PLCB1: variants seen among roughly 807,000 people sequenced by gnomAD.
PLCB1 encodes the protein phospholipase C beta 1.
In PLCB1, 46 loss-of-function variants were observed where a neutral mutation model predicts 161.8. That is an observed-to-expected ratio of 0.28 (90% confidence interval 0.22 to 0.36). The LOEUF (loss-of-function observed/expected upper bound fraction) is 0.36. PLCB1 is among the 10% of genes least tolerant of loss of function. The pLI, the probability that PLCB1 is intolerant of heterozygous loss-of-function variation, is 1.00. For synonymous variants in PLCB1, 517 were observed against 503.7 expected (o/e 1.03, Z -0.35); for missense variants, 1,016 against 1,472.5 (o/e 0.69, Z 5.07).
chr20:8,314,524 G>A (rs182075485), intron 2 of PLCB1, among the ~76,000 whole-genome samples: 1 of 152,282 alleles, frequency 6.6e-6, no homozygotes, highest in Admixed American at 6.5e-5. Flanking sequence ...CTATCACTGT[G>A]ACTTTAGGCA....
chr20:8,524,361 C>CT (rs1440069463), intron 3 of PLCB1, among the ~76,000 whole-genome samples: 7 of 151,896 alleles, frequency 4.6e-5, no homozygotes, highest in Admixed American at 4.6e-4. Flanking sequence ...TGAGTTTTCT[C>CT]TTTCTTTTTA....
chr20:8,139,799 C>T (rs972001789), intron 1 of PLCB1, among the ~76,000 whole-genome samples: 16 of 152,166 alleles, frequency 1.1e-4, no homozygotes, highest in African/African-American at 2.4e-4. Context: ...CACATAGCAT[C>T]GATTCCTACA....
chr20:8,526,613 G>GTT (rs1284655208), intron 3 of PLCB1, among the ~76,000 whole-genome samples: 1 of 152,010 alleles, frequency 6.6e-6, no homozygotes, highest in Admixed American at 6.6e-5. Flanking sequence ...AATATTTAGC[G>GTT]TAAGAGTAGT....
At chr20:8,192,826 C>T (rs192372597) in intron 2 of PLCB1, among the ~76,000 whole-genome samples, 33 of 151,682 alleles carry the variant, frequency 2.2e-4, no homozygotes, top group African/African-American at 7.7e-4. Flanking sequence ...GAGGAGTGGC[C>T]AAATATGGAG....
chr20:8,834,323 C>T (rs1165015234), intron 31 of PLCB1, among the ~76,000 whole-genome samples: 7 of 152,108 alleles, frequency 4.6e-5, no homozygotes, highest in African/African-American at 1.7e-4. Context: ...TTATGGAAGA[C>T]TTCACCGAGA....
At chr20:8,461,077 T>A (rs934213775) in intron 3 of PLCB1, among the ~76,000 whole-genome samples, 1 of 152,208 alleles carries the variant, frequency 6.6e-6, no homozygotes, top group Non-Finnish European at 1.5e-5. Flanking sequence ...TTAATTAATC[T>A]AAATTTAAAT....
intron 31 of PLCB1, among the ~76,000 whole-genome samples, chr20:8,836,736 A>C (rs1421557521): frequency 2.0e-5 from 3 of 152,204 alleles, no homozygotes; most frequent in Non-Finnish European, 4.4e-5. Context: ...ATGCTTTTGA[A>C]CATGATTGGC....
chr20:8,398,696 G>A (rs542003380), intron 3 of PLCB1, among the ~76,000 whole-genome samples: 4 of 151,938 alleles, frequency 2.6e-5, no homozygotes, highest in South Asian at 2.1e-4. Context: ...GGGTTTAAGC[G>A]TCCATATATG....
chr20:8,289,743 C>T (rs921456029), intron 2 of PLCB1, among the ~76,000 whole-genome samples: 6 of 152,168 alleles, frequency 3.9e-5, no homozygotes, highest in African/African-American at 1.4e-4. Context: ...TACACTGCCC[C>T]AGGACACTCG....
At chr20:8,475,616 A>G (rs567290400) in intron 3 of PLCB1, among the ~76,000 whole-genome samples, 2 of 152,332 alleles carry the variant, frequency 1.3e-5, no homozygotes, top group South Asian at 2.1e-4. Context: ...AAAACCAACA[A>G]CATCTTTCAG....
At chr20:8,635,630 C>T (rs754162634) in intron 4 of PLCB1, among the ~76,000 whole-genome samples, 13 of 152,166 alleles carry the variant, frequency 8.5e-5, no homozygotes, top group African/African-American at 2.2e-4. Flanking sequence ...AGTTACTCCA[C>T]GCTTTCTTAA....
chr20:8,515,312 G>T (rs928470219), intron 3 of PLCB1, among the ~76,000 whole-genome samples: 3 of 152,160 alleles, frequency 2.0e-5, no homozygotes, highest in African/African-American at 7.2e-5. Context: ...TTGTTAGCAT[G>T]AAGACACCAT....
intron 2 of PLCB1, among the ~76,000 whole-genome samples, chr20:8,205,813 G>C (rs914232892): frequency 1.3e-5 from 2 of 152,082 alleles, no homozygotes; most frequent in African/African-American, 2.4e-5. Flanking sequence ...AGAAGGGGTT[G>C]GGGTTGGATA....
At chr20:8,263,574 C>A (rs532454372) in intron 2 of PLCB1, among the ~76,000 whole-genome samples, 17 of 152,206 alleles carry the variant, frequency 1.1e-4, no homozygotes, top group African/African-American at 3.9e-4. Flanking sequence ...ACATCAGGGA[C>A]TGAACTTATG....
At chr20:8,203,040 G>C (rs886269159) in intron 2 of PLCB1, among the ~76,000 whole-genome samples, 24 of 152,002 alleles carry the variant, frequency 1.6e-4, no homozygotes, top group Admixed American at 1.4e-3. Flanking sequence ...TGATTACGGA[G>C]CAGGAAAGTT....
chr20:8,368,864 A>T (rs956242307), intron 2 of PLCB1, among the ~76,000 whole-genome samples: 1 of 60,438 alleles, frequency 1.7e-5, no homozygotes, highest in Non-Finnish European at 3.6e-5. Flanking sequence ...ACCACCACCC[A>T]CCCTCCCACC....
At chr20:8,629,845 CTT>C (rs1254604125) in intron 4 of PLCB1, among the ~76,000 whole-genome samples, 1 of 93,388 alleles carries the variant, frequency 1.1e-5, no homozygotes, top group Non-Finnish European at 2.1e-5. Context: ...TTCTTTCTTT[CTT>C]TCTTTCTTTC....
chr20:8,717,230 G>A (rs1317249433), intron 13 of PLCB1, among the ~76,000 whole-genome samples: 1 of 152,074 alleles, frequency 6.6e-6, no homozygotes, highest in African/African-American at 2.4e-5. Context: ...GATTTTAAGG[G>A]GCATCTGAAA....
At chr20:8,318,737 G>GA (rs1984773237) in intron 2 of PLCB1, among the ~76,000 whole-genome samples, 1 of 151,992 alleles carries the variant, frequency 6.6e-6, no homozygotes, top group Admixed American at 6.5e-5. Context: ...AAGCAACTAA[G>GA]AAAAAATTGA....
Sources: gnomAD v4.1 joint callset for allele counts (sites outside exome capture counted in the v4.1 genomes callset) on GRCh38, gnomAD v4.1.1 for gene constraint, MANE v1.5 for transcripts, NCBI Gene and HGNC (gene_info 2026-07-23, HGNC 2026-07-21) for gene names.